The following VWC2L variants were observed in gnomAD, a reference collection of about 807,000 sequenced individuals.
The protein encoded by VWC2L is von Willebrand factor C domain containing 2 like.
Under a neutral mutation model 21.6 loss-of-function variants are expected in VWC2L, and 10 were observed. That is an observed-to-expected ratio of 0.46 (90% CI 0.29 to 0.78). The LOEUF is 0.78. VWC2L is among the 30% of genes least tolerant of loss of function. The pLI is 0.10. For missense variants in VWC2L, 209 were observed against 277.1 expected (o/e 0.75, Z 1.74); for synonymous variants, 96 against 94.3 (o/e 1.02, Z -0.10).
intron 3 of VWC2L, among the ~76,000 whole-genome samples, chr2:214,457,296 A>G (rs2126187135): frequency 6.6e-6 from 1 of 152,174 alleles, no homozygotes; most frequent in Admixed American, 6.5e-5. Context: ...AAGGAATTAA[A>G]GTCTTGATTT....
chr2:214,499,825 C>A (rs1466538257), intron 3 of VWC2L, among the ~76,000 whole-genome samples: 1 of 152,152 alleles, frequency 6.6e-6, no homozygotes, highest in African/African-American at 2.4e-5. Flanking sequence ...AACAAATATT[C>A]ATTGAGCCAC....
chr2:214,527,093 T>C (rs1012000677), intron 3 of VWC2L, among the ~76,000 whole-genome samples: 1 of 152,154 alleles, frequency 6.6e-6, no homozygotes, highest in Non-Finnish European at 1.5e-5. Context: ...TTGTGTTCTT[T>C]GCAGCAACAT....
Position 214,522,323 on chromosome 2 carries a change from C to G in VWC2L, c.521-53349C>G, listed in dbSNP as rs1274339069. ...CCGGGAGGCGGAGCTTGCAGTGAGC[C>G]GAGATCGCGCCACTGCACTCCAGGC... On this transcript the variant is annotated intron_variant, in intron 3 of 3. Coordinates refer to ENST00000312504, the MANE Select transcript of VWC2L (RefSeq NM_001080500.4). 2.1e-5 allele frequency among the ~76,000 whole-genome samples: 3 copies of G among 141,442 alleles called. No homozygotes were observed. The East Asian group carries it at 6.3e-4, about 30-fold the overall frequency. 92.8% of individuals were successfully genotyped at this position (141,442 alleles called of 152,430 possible).
chr2:214,490,211 C>T (rs1688727016), intron 3 of VWC2L, among the ~76,000 whole-genome samples: 1 of 152,168 alleles, frequency 6.6e-6, no homozygotes, highest in Non-Finnish European at 1.5e-5. Context: ...AGGGCTCACT[C>T]TCCTTATATC....
chr2:214,418,990 G>A (rs1342658409), intron 2 of VWC2L, among the ~76,000 whole-genome samples: 6 of 152,156 alleles, frequency 3.9e-5, no homozygotes, highest in South Asian at 2.1e-4. Flanking sequence ...CTATGCAGTT[G>A]CAAATCATAG....
At chr2:214,554,315 T>G (rs1689841411) in intron 3 of VWC2L, among the ~76,000 whole-genome samples, 2 of 152,124 alleles carry the variant, frequency 1.3e-5, no homozygotes, top group Non-Finnish European at 2.9e-5. Context: ...AACCCCCTTC[T>G]CAGCCAAGAA....
intron 1 of VWC2L, among the ~76,000 whole-genome samples, chr2:214,413,897 T>C (rs1019663290): frequency 6.6e-6 from 1 of 152,198 alleles, no homozygotes; most frequent in Non-Finnish European, 1.5e-5. Context: ...TGAAGGTTCC[T>C]ATATAAAATA....
At chr2:214,454,429 T>C (rs1442959465) in intron 3 of VWC2L, among the ~76,000 whole-genome samples, 9 of 151,738 alleles carry the variant, frequency 5.9e-5, no homozygotes, top group Non-Finnish European at 1.3e-4. Flanking sequence ...TTGTTATCAG[T>C]TTGAAAAAGT....
At chr2:214,459,065 G>A (rs1574575916) in intron 3 of VWC2L, among the ~76,000 whole-genome samples, 1 of 152,218 alleles carries the variant, frequency 6.6e-6, no homozygotes, top group South Asian at 2.1e-4. Context: ...TTTAGATCTA[G>A]TAATATTACT....
chr2:214,433,132 CAG>C (rs1334050632), intron 2 of VWC2L, among the ~76,000 whole-genome samples: 1 of 139,896 alleles, frequency 7.1e-6, no homozygotes, highest in Non-Finnish European at 1.5e-5. Flanking sequence ...AAATTTAAAA[CAG>C]ATATATTAAC....
rs182478244 is a variant in VWC2L at position 214,508,733 on chromosome 2, T to G, written c.521-66939T>G. Among the ~76,000 whole-genome samples the G allele has an allele frequency of 1.8e-3, 269 of 152,278 alleles. 1 individual carries two copies. The highest frequency in any genetic ancestry group is 0.014 in the Middle Eastern group (4 of 294). ...CCAAGGGCTCCTTCACGTTTTTAGA[T>G]TTTTGTTTGTATGTAATAGCCTATT... On this transcript the variant is annotated intron_variant, in intron 3 of 3. Coordinates refer to ENST00000312504, the MANE Select transcript of VWC2L (RefSeq NM_001080500.4).
intron 3 of VWC2L, among the ~76,000 whole-genome samples, chr2:214,496,999 A>G (rs1490747163): frequency 1.3e-5 from 2 of 152,228 alleles, no homozygotes; most frequent in African/African-American, 2.4e-5. Flanking sequence ...TCAAAACACC[A>G]TATTTCTTTG....
At chr2:214,567,679 C>T (rs1298674706) in intron 3 of VWC2L, among the ~76,000 whole-genome samples, 1 of 151,702 alleles carries the variant, frequency 6.6e-6, no homozygotes, top group Non-Finnish European at 1.5e-5. Context: ...GCTATCAAAA[C>T]TTGGAGGAAA....
chr2:214,424,432 A>C (rs1257879133), intron 2 of VWC2L, among the ~76,000 whole-genome samples: 3 of 152,146 alleles, frequency 2.0e-5, no homozygotes, highest in African/African-American at 7.2e-5. Flanking sequence ...AAGTGTGGTG[A>C]AAATTGGATT....
Position 214,525,602 on chromosome 2 carries a change from C to T in VWC2L, c.521-50070C>T, listed in dbSNP as rs894798917. Among the ~76,000 whole-genome samples the T allele has an allele frequency of 2.2e-4, 33 of 152,086 alleles. 1 individual carries two copies. The highest frequency in any genetic ancestry group is 7.7e-4 in the African/African-American group (32 of 41,426). ...ACCCCCTGGAATTGCCTCTTCTGAC[C>T]GGTGTTCTAAGAAACACTCTCAGAA... On this transcript the variant is annotated intron_variant, in intron 3 of 3. Coordinates refer to ENST00000312504, the MANE Select transcript of VWC2L (RefSeq NM_001080500.4).
chr2:214,471,604 C>A (rs1035162627), intron 3 of VWC2L, among the ~76,000 whole-genome samples: 6 of 152,270 alleles, frequency 3.9e-5, no homozygotes, highest in African/African-American at 1.4e-4. Context: ...CATGTATTCA[C>A]CACTATTTCC....
intron 2 of VWC2L, among the ~76,000 whole-genome samples, chr2:214,433,375 C>A (rs1702632814): frequency 6.6e-6 from 1 of 151,982 alleles, no homozygotes; most frequent in South Asian, 2.1e-4. Context: ...ACCATACTTA[C>A]AAATCTCTAG....
intron 3 of VWC2L, among the ~76,000 whole-genome samples, chr2:214,488,405 C>T (rs944846832): frequency 2.6e-5 from 4 of 152,074 alleles, no homozygotes; most frequent in African/African-American, 7.2e-5. Context: ...CAAAACCAGC[C>T]GTGGCAACAT....
chr2:214,419,725 G>A (rs1015880420), intron 2 of VWC2L, among the ~76,000 whole-genome samples: 4 of 152,050 alleles, frequency 2.6e-5, no homozygotes, highest in South Asian at 2.1e-4. Context: ...CGAAAGGTGC[G>A]GTGTGAATAT....
Sources: gnomAD v4.1 joint callset for allele counts (sites outside exome capture counted in the v4.1 genomes callset) on GRCh38, gnomAD v4.1.1 for gene constraint, MANE v1.5 for transcripts, NCBI Gene and HGNC (gene_info 2026-07-23, HGNC 2026-07-21) for gene names.